Variants in ZC3H14 observed in about 807,000 individuals in gnomAD.
The protein encoded by ZC3H14 is zinc finger CCCH domain-containing protein 14.
In ZC3H14, 31 loss-of-function variants were observed where a neutral mutation model predicts 92.4. That is an observed-to-expected ratio of 0.34 (90% CI 0.25 to 0.45). The LOEUF (loss-of-function observed/expected upper bound fraction) is 0.45, where lower values mean the gene tolerates loss of function less well. Among genes scored for constraint, ZC3H14 ranks in the 20% least tolerant of loss-of-function variants. The pLI is 1.00. For synonymous variants in ZC3H14, 321 were observed against 300.9 expected (o/e 1.07, Z -0.69); for missense variants, 781 against 897.3 (o/e 0.87, Z 1.66).
At position 88,571,019 on chromosome 14, in the gene ZC3H14, G is replaced by A. The variant is rs1348087988; in HGVS notation, c.195-65G>A. 2.1e-5 allele frequency: 27 copies of A among 1,288,622 alleles called. No homozygotes were observed. The South Asian group carries it at 4.9e-4, about 23-fold the overall frequency. 79.8% of individuals were successfully genotyped at this position (1,288,622 alleles called of 1,614,324 possible). A position where few individuals can be genotyped will look rare whatever the true frequency, so the allele number is the denominator to read the frequency against. On this transcript the variant is annotated intron_variant, in intron 3 of 16. Coordinates refer to ENST00000251038, the MANE Select transcript of ZC3H14 (RefSeq NM_024824.5). ...CTGAATATAATGTCATAAATTTAGAGTGACAGTTGAAATGAAATCTTTCTT... is the reference window on the plus strand; with the variant it reads ...CTGAATATAATGTCATAAATTTAGAATGACAGTTGAAATGAAATCTTTCTT...
intron 9 of ZC3H14, chr14:88,590,482 C>T (rs1209758197): frequency 6.6e-6 from 1 of 152,416 alleles, no homozygotes; most frequent in Non-Finnish European, 1.5e-5. Context: ...TTGCCCTCTC[C>T]TGAGAATGTT....
chr14:88,577,961 A>T (rs73317790), intron 8 of ZC3H14, 24 bp from the exon 9 acceptor site: 1 of 1,613,774 alleles, frequency 6.2e-7, no homozygotes, highest in Non-Finnish European at 8.5e-7. Flanking sequence ...TTGTATTTCT[A>T]TCTTTTTTGC....
At chr14:88,564,781 C>T (rs1412690395) in intron 2 of ZC3H14, among the ~76,000 whole-genome samples, 1 of 151,944 alleles carries the variant, frequency 6.6e-6, no homozygotes, top group Non-Finnish European at 1.5e-5. Flanking sequence ...TATTTTTTAT[C>T]TTCTTAGTAT....
intron 12 of ZC3H14, among the ~76,000 whole-genome samples, chr14:88,604,042 TA>T (rs2084995660): frequency 6.6e-6 from 1 of 152,142 alleles, no homozygotes; most frequent in East Asian, 1.9e-4. Flanking sequence ...TAAAAAATAG[TA>T]AAAGCTGCAG....
At chr14:88,571,994 A>T in intron 4 of ZC3H14, 36 bp from the exon 5 acceptor site, 1 of 1,466,532 alleles carries the variant, frequency 6.8e-7, no homozygotes, top group Non-Finnish European at 9.2e-7. Context: ...AATAAGAAAT[A>T]AAAATAGATT....
chr14:88,627,001 A>G lies in ZC3H14; in HGVS notation c.*15250A>G, dbSNP rs1479952735. 5.6e-6 allele frequency: 9 copies of G among 1,613,902 alleles called. No homozygotes were observed. The highest frequency in any genetic ancestry group is 5.5e-5 in the South Asian group (5 of 91,088). On this transcript the variant is annotated 3_prime_UTR_variant, in exon 17 of 17. Transcript: ENST00000251038. ...ATCTGAATCTGGTCGGAATTCTGCC[A>G]CAAAAATACGTTGATTGTGACCAGC...
Position 88,618,642 on chromosome 14 carries a change from T to TA in ZC3H14, c.*6892dup, listed in dbSNP as rs781676451. 2 of 1,611,566 alleles carry TA rather than the reference T, an allele frequency of 1.2e-6. No individual in the cohort carries two copies. The highest frequency in any genetic ancestry group is 1.7e-6 in the Non-Finnish European group (2 of 1,179,036). On this transcript the variant is annotated 3_prime_UTR_variant, in exon 17 of 17. Coordinates refer to ENST00000251038, the MANE Select transcript of ZC3H14 (RefSeq NM_024824.5). ...TTGCCACCTGGGTATACAGTATTGG[T>TA]ACTGTACCTGGAGATAACTGCTATC... is the stretch of plus-strand genomic sequence containing the variant.
chr14:88,598,668 T>C (rs1014976095), intron 10 of ZC3H14, among the ~76,000 whole-genome samples: 1 of 152,252 alleles, frequency 6.6e-6, no homozygotes, highest in African/African-American at 2.4e-5. Context: ...GTAGCATCTT[T>C]CTGGCAGAGA....
At chr14:88,574,568 C>G in intron 6 of ZC3H14, 125 bp from the exon 7 acceptor site, 1 of 1,240,524 alleles carries the variant, frequency 8.1e-7, no homozygotes, top group Non-Finnish European at 1.2e-6. Context: ...TACATAAAAC[C>G]AAGAAATACT....
At chr14:88,597,650 C>T (rs1229180686) in intron 10 of ZC3H14, among the ~76,000 whole-genome samples, 1 of 152,212 alleles carries the variant, frequency 6.6e-6, no homozygotes, top group East Asian at 1.9e-4. Context: ...TCACCCACTC[C>T]TCCAACTTCA....
At chr14:88,569,297 T>C (rs1267954150) in intron 3 of ZC3H14, among the ~76,000 whole-genome samples, 2 of 152,198 alleles carry the variant, frequency 1.3e-5, no homozygotes, top group African/African-American at 2.4e-5. Context: ...TGTTTCTCAC[T>C]TTTCTGTTTC....
chr14:88,571,043 T>A (rs1455742079), intron 3 of ZC3H14, 41 bp from the exon 4 acceptor site: 1 of 1,480,702 alleles, frequency 6.8e-7, no homozygotes, highest in Admixed American at 2.0e-5. Context: ...GAAATCTTTC[T>A]TAACAGAAGG....
At position 88,626,008 on chromosome 14, in the gene ZC3H14, C is replaced by T. The variant is rs1283247664; in HGVS notation, c.*14257C>T. 1 of 152,334 alleles carries T rather than the reference C, an allele frequency of 6.6e-6. No homozygotes were observed. Among genetic ancestry groups the T allele is most frequent in the African/African-American group, 2.4e-5 (1 of 41,562 alleles). The allele number at this position is 152,334 out of a possible 1,614,324, so 9.4% of individuals were successfully genotyped here. On this transcript the variant is annotated 3_prime_UTR_variant, in exon 17 of 17. Coordinates refer to ENST00000251038, the MANE Select transcript of ZC3H14 (RefSeq NM_024824.5). ...GTGAGAGGAGAGCAGGTCTCCTGAA[C>T]ACCCTTCTGTCAGGGCCAGGAATTG...
intron 9 of ZC3H14, among the ~76,000 whole-genome samples, chr14:88,585,096 T>G (rs1306475466): frequency 6.6e-6 from 1 of 152,212 alleles, no homozygotes. Flanking sequence ...CCTCATATTG[T>G]TTAAGGGTCA....
At position 88,616,703 on chromosome 14, in the gene ZC3H14, T is replaced by C. The variant is rs2087679008; in HGVS notation, c.*4952T>C. 6.2e-7 allele frequency: 1 copy of C among 1,602,934 alleles called. No homozygotes were observed. Among genetic ancestry groups the C allele is most frequent in the Non-Finnish European group, 8.5e-7 (1 of 1,173,574 alleles). On this transcript the variant is annotated 3_prime_UTR_variant, in exon 17 of 17. Coordinates refer to ENST00000251038, the MANE Select transcript of ZC3H14 (RefSeq NM_024824.5). ...ATCAAAATTAGGAGTAAACTGATAA[T>C]AGTAAACAAAACACAAACTTACAAA...
In ZC3H14 at chr14:88,568,143, T is replaced by C; in HGVS notation, c.184T>C (p.Phe62Leu). The C allele has an allele frequency of 6.2e-7, 1 of 1,613,942 alleles. No individual in the cohort carries two copies. Among genetic ancestry groups the C allele is most frequent in the Non-Finnish European group, 8.5e-7 (1 of 1,179,836 alleles). The change falls in exon 3 of 17, where the codon TTC becomes CTC. Residue 62 changes from phenylalanine (F) to leucine (L), a missense_variant. By Grantham distance (22) the Phe-to-Leu change is conservative. This residue lies in a region of ZC3H14 where 106 missense variants were observed against 154.2 expected (regional missense o/e 0.69). Transcript: ENST00000251038. ...GTTTCTAGGGAACAACACAATTCGA[T>C]TCACCGTATGGTATGTTTCTGAATT... The part of the protein sequence containing the change: ...SLFLGNNTIR[F>L]TVWLHGVLDK...
In ZC3H14 at chr14:88,626,769, G is replaced by T; in HGVS notation, c.*15018G>T. 6.8e-7 allele frequency: 1 copy of T among 1,464,948 alleles called. No individual in the cohort carries two copies. Among genetic ancestry groups the T allele is most frequent in the Non-Finnish European group, 9.4e-7 (1 of 1,062,580 alleles). 90.7% of individuals were successfully genotyped at this position (1,464,948 alleles called of 1,614,324 possible). Reference sequence around the variant, plus strand: ...AGTATCATCTCAACAACATTCATGTGGCTGATGATCTAAGGCAAGAGAATG... The same window carrying T: ...AGTATCATCTCAACAACATTCATGTTGCTGATGATCTAAGGCAAGAGAATG... On this transcript the variant is annotated 3_prime_UTR_variant, in exon 17 of 17. Coordinates refer to ENST00000251038, the MANE Select transcript of ZC3H14 (RefSeq NM_024824.5).
intron 2 of ZC3H14, among the ~76,000 whole-genome samples, chr14:88,564,583 ATTTG>A (rs2079320882): frequency 6.6e-6 from 1 of 152,194 alleles, no homozygotes; most frequent in African/African-American, 2.4e-5. Context: ...CTAAGATGGT[ATTTG>A]TTATTTTTCA....
intron 9 of ZC3H14, among the ~76,000 whole-genome samples, chr14:88,593,781 T>G (rs182142473): frequency 6.6e-6 from 1 of 152,252 alleles, no homozygotes; most frequent in Non-Finnish European, 1.5e-5. Context: ...AGATATGTCT[T>G]GGATTCCAGA....
Sources: allele counts gnomAD v4.1 joint callset (sites outside exome capture counted in the v4.1 genomes callset), GRCh38; gene constraint gnomAD v4.1.1; regional missense constraint gnomAD v4.1.1; transcripts MANE v1.5; gene names NCBI Gene and HGNC (gene_info 2026-07-23, HGNC 2026-07-21).